The following PRKCA variants were observed in gnomAD, a reference collection of about 807,000 sequenced individuals.
PRKCA encodes the protein protein kinase C alpha.
PRKCA carries 27 observed loss-of-function variants against 87.0 expected under a neutral mutation model. The ratio of observed to expected loss-of-function variants is 0.31; its 90% CI spans 0.23 to 0.43. The LOEUF is 0.43. PRKCA is among the 20% of genes least tolerant of loss of function. PRKCA has a pLI of 1.00. For missense variants in PRKCA, 518 were observed against 852.3 expected (o/e 0.61, Z 4.88); for synonymous variants, 329 against 311.1 (o/e 1.06, Z -0.61).
chr17:66,318,954 C>G lies in PRKCA; in HGVS notation c.205+12827C>G, dbSNP rs1418590451. 1.6e-4 allele frequency among the ~76,000 whole-genome samples: 5 copies of G among 30,750 alleles called. No homozygotes were observed. The East Asian group carries it at 6.1e-3, about 38-fold the overall frequency. The allele number at this position is 30,750 out of a possible 152,430, so 20.2% of individuals were successfully genotyped here. On this transcript the variant is annotated intron_variant, in intron 2 of 16. Transcript: ENST00000413366. Reference sequence around the variant, plus strand: ...TGGGTAACACGGCAAAAACCTGTCTCTACAAAAAAATATTTTTTGTAATAA... The same window carrying G: ...TGGGTAACACGGCAAAAACCTGTCTGTACAAAAAAATATTTTTTGTAATAA...
chr17:66,480,409 T>A (rs1012733851), intron 2 of PRKCA, among the ~76,000 whole-genome samples: 8 of 152,214 alleles, frequency 5.3e-5, no homozygotes, highest in Admixed American at 3.9e-4. Context: ...TTTGAATTGT[T>A]CCCCAAGATA....
intron 3 of PRKCA, among the ~76,000 whole-genome samples, chr17:66,613,160 A>G: frequency 6.6e-6 from 1 of 152,150 alleles, no homozygotes; most frequent in East Asian, 1.9e-4. Context: ...TCAATAAACC[A>G]CTACATCATC....
At chr17:66,775,399 G>C in intron 14 of PRKCA, 3 of 984,804 alleles carry the variant, frequency 3.0e-6, no homozygotes, top group Non-Finnish European at 2.4e-6. Flanking sequence ...TTCTGCCTAG[G>C]TTCCACTGGC....
chr17:66,497,583 T>G (rs1916533154), intron 3 of PRKCA, among the ~76,000 whole-genome samples: 1 of 152,042 alleles, frequency 6.6e-6, no homozygotes, highest in South Asian at 2.1e-4. Flanking sequence ...AGCTGTTATA[T>G]GAAAAGTAAT....
At chr17:66,632,323 C>A (rs764447456) in intron 3 of PRKCA, among the ~76,000 whole-genome samples, 1 of 152,116 alleles carries the variant, frequency 6.6e-6, no homozygotes, top group Non-Finnish European at 1.5e-5. Context: ...ACTTATTTAT[C>A]AATCTAGAAA....
chr17:66,622,296 A>G (rs16959746), intron 3 of PRKCA, among the ~76,000 whole-genome samples: 15,549 of 152,198 alleles, frequency 0.1, 1,461 homozygotes, highest in African/African-American at 0.25. Context: ...GCAAGCAATG[A>G]CCTTCTCTTT....
intron 14 of PRKCA, among the ~76,000 whole-genome samples, chr17:66,779,866 G>T (rs978922572): frequency 1.3e-5 from 2 of 152,206 alleles, no homozygotes; most frequent in Non-Finnish European, 2.9e-5. Flanking sequence ...GGGAATGGGG[G>T]AAAGAGGCGA....
intron 3 of PRKCA, among the ~76,000 whole-genome samples, chr17:66,547,613 G>A (rs550501518): frequency 6.6e-6 from 1 of 152,244 alleles, no homozygotes; most frequent in South Asian, 2.1e-4. Context: ...CCTACCCTGG[G>A]TAAGTTCCTT....
At chr17:66,391,496 C>A (rs537129007) in intron 2 of PRKCA, among the ~76,000 whole-genome samples, 5 of 152,284 alleles carry the variant, frequency 3.3e-5, no homozygotes, top group African/African-American at 1.2e-4. Context: ...CTGTTCATCA[C>A]TTCATCTGCA....
At chr17:66,540,757 C>G (rs994085553) in intron 3 of PRKCA, among the ~76,000 whole-genome samples, 1 of 152,212 alleles carries the variant, frequency 6.6e-6, no homozygotes, top group African/African-American at 2.4e-5. Context: ...TCTCCCATTT[C>G]TCTGTCTATC....
chr17:66,710,672 A>G (rs1489344263), intron 8 of PRKCA, among the ~76,000 whole-genome samples: 1 of 151,904 alleles, frequency 6.6e-6, no homozygotes, highest in Non-Finnish European at 1.5e-5. Flanking sequence ...CATGAAAAAA[A>G]ATGCCATGTC....
chr17:66,436,803 C>G (rs1913419172), intron 2 of PRKCA, among the ~76,000 whole-genome samples: 1 of 152,018 alleles, frequency 6.6e-6, no homozygotes, highest in African/African-American at 2.4e-5. Context: ...AATTAGGAGG[C>G]AAATCGAGAG....
intron 13 of PRKCA, among the ~76,000 whole-genome samples, chr17:66,758,743 C>T (rs1974613473): frequency 6.6e-6 from 1 of 152,188 alleles, no homozygotes; most frequent in Admixed American, 6.5e-5. Flanking sequence ...CATCTTTGTG[C>T]TCTTGCTGCA....
chr17:66,399,459 G>A (rs1257128214), intron 2 of PRKCA, among the ~76,000 whole-genome samples: 12 of 152,158 alleles, frequency 7.9e-5, no homozygotes, highest in Non-Finnish European at 1.0e-4. Context: ...ACAAAAAACT[G>A]TGGTAAAAGA....
intron 9 of PRKCA, among the ~76,000 whole-genome samples, 193 bp from the exon 10 acceptor site, chr17:66,735,296 C>G (rs1598906349): frequency 6.6e-6 from 1 of 152,112 alleles, no homozygotes. Flanking sequence ...TGAAGTTTTG[C>G]AAATGCTGGA....
At chr17:66,703,292 TTC>T (rs1435128844) in intron 8 of PRKCA, 1 of 152,188 alleles carries the variant, frequency 6.6e-6, no homozygotes, top group Non-Finnish European at 1.5e-5. Flanking sequence ...AAAATTTTTT[TTC>T]TGTTAAAAAA....
chr17:66,698,789 C>T (rs577603759), intron 8 of PRKCA, among the ~76,000 whole-genome samples: 2 of 140,876 alleles, frequency 1.4e-5, no homozygotes, highest in East Asian at 2.1e-4. Flanking sequence ...GCCTGGCCAA[C>T]GTAGCAAAAC....
chr17:66,449,914 A>G (rs1263655761), intron 2 of PRKCA, among the ~76,000 whole-genome samples: 1 of 152,108 alleles, frequency 6.6e-6, no homozygotes, highest in Non-Finnish European at 1.5e-5. Flanking sequence ...GTTTGGAAGC[A>G]GCCTATATTG....
intron 2 of PRKCA, among the ~76,000 whole-genome samples, chr17:66,472,558 C>T (rs1915368433): frequency 6.6e-6 from 1 of 152,192 alleles, no homozygotes; most frequent in Admixed American, 6.5e-5. Context: ...ATAGTTCCTT[C>T]CTGGGTTTAA....
Sources: allele counts gnomAD v4.1 joint callset (sites outside exome capture counted in the v4.1 genomes callset), GRCh38; gene constraint gnomAD v4.1.1; transcripts MANE v1.5; gene names NCBI Gene and HGNC (gene_info 2026-07-23, HGNC 2026-07-21).